Variants in ALG13 observed in about 807,000 individuals in gnomAD.
ALG13 encodes UDP-N-acetylglucosamine transferase subunit ALG13.
In ALG13, 11 loss-of-function variants were observed where a neutral mutation model predicts 87.8. The ratio of observed to expected loss-of-function variants is 0.13; its 90% confidence interval spans 0.08 to 0.21. The LOEUF (loss-of-function observed/expected upper bound fraction) is 0.21, where lower values mean the gene tolerates loss of function less well. Ranked by LOEUF, ALG13 falls within the 10% of genes least tolerant of loss-of-function variation. ALG13 has a pLI of 1.00. For missense variants in ALG13, 756 were observed against 866.1 expected, an observed-to-expected ratio of 0.87 and a Z score of 1.60; for synonymous variants, 320 against 306.3, an observed-to-expected ratio of 1.04 and a Z score of -0.47.
intron 3 of ALG13, among the ~76,000 whole-genome samples, chrX:111,696,308 G>C (rs1936956790): frequency 9.0e-6 from 1 of 111,609 alleles, no homozygotes; most frequent in Non-Finnish European, 1.9e-5. Context: ...CCTAAAGTCT[G>C]TTATCCACTG....
chrX:111,747,440 C>T (rs1944343345), intron 24 of ALG13, among the ~76,000 whole-genome samples: 1 of 112,009 alleles, frequency 8.9e-6, no homozygotes, highest in Non-Finnish European at 1.9e-5. Flanking sequence ...CTTGGTTGCT[C>T]CCACTTTTGG....
rs915629293 is a variant in ALG13 at position 111,708,970 on chromosome X, T to G, written c.756T>G (p.Phe252Leu). 15 of 1,176,936 alleles carry G rather than the reference T, an allele frequency of 1.3e-5. No individual in the cohort carries two copies. In the Admixed American group the frequency reaches 2.1e-4, roughly 16 times the overall value. The change falls in exon 5 of 27, where the codon TTT becomes TTG. Residue 252 changes from phenylalanine (F) to leucine (L), a missense_variant. Physicochemically the swap from Phe to Leu is conservative, Grantham distance 22. Around this residue, in one of 9 missense-constraint regions of ALG13, gnomAD observed 9 missense variants for 31.9 expected, o/e 0.28. Coordinates refer to ENST00000394780, the MANE Select transcript of ALG13 (RefSeq NM_001099922.3). ...GGTCTTTCTCTTCTTTTTAGTTGTT[T>G]TGCAGCCAGGTCCATCATTTGGAAA... ...CLFRAISEQL[F>L]CSQVHHLEIR... is the part of the protein sequence containing the mutation.
chrX:111,751,066 CTTTT>C (rs58149728), intron 24 of ALG13, among the ~76,000 whole-genome samples: 3 of 74,500 alleles, frequency 4.0e-5, no homozygotes, highest in African/African-American at 2.1e-4. Context: ...ATAAGCATAA[CTTTT>C]TTTTTTTTTT....
chrX:111,706,141 TG>T (rs1237043654), intron 3 of ALG13, among the ~76,000 whole-genome samples: 9 of 110,346 alleles, frequency 8.2e-5, no homozygotes, highest in Non-Finnish European at 1.7e-4. Flanking sequence ...GCCATTCTCC[TG>T]CCTCAGCCTC....
chrX:111,742,851 A>C (rs769967996), intron 23 of ALG13, among the ~76,000 whole-genome samples: 1 of 112,420 alleles, frequency 8.9e-6, no homozygotes, highest in Non-Finnish European at 1.9e-5. Flanking sequence ...CAGCATTCTG[A>C]ATGCATTACG....
chrX:111,689,572 C>G, intron 3 of ALG13: 4 of 753,851 alleles, frequency 5.3e-6, no homozygotes, highest in Non-Finnish European at 6.3e-6. Flanking sequence ...CCTCTGACTT[C>G]CCTTTTGTGG....
At chrX:111,727,521 T>A in intron 17 of ALG13, 76 bp downstream of exon 17, 1 of 1,100,968 alleles carries the variant, frequency 9.1e-7, no homozygotes, top group Non-Finnish European at 1.2e-6. Flanking sequence ...TTAAAAAGTG[T>A]CAACTTTGAG....
chrX:111,723,704 T>C (rs1334058775), intron 13 of ALG13, 94 bp from the exon 14 acceptor site: 32 of 514,554 alleles, frequency 6.2e-5, no homozygotes, highest in Non-Finnish European at 2.3e-5. Context: ...CTTTAAAAAG[T>C]AGACACTGAA....
intron 13 of ALG13, among the ~76,000 whole-genome samples, chrX:111,723,408 G>A (rs1169184409): frequency 9.1e-6 from 1 of 110,144 alleles, no homozygotes; most frequent in Admixed American, 9.8e-5. Context: ...AAAGTGCTGG[G>A]ATTACAGGTG....
rs369528554 is a variant in ALG13, at chrX:111,724,964, A to C, written c.1632A>C (p.Pro544=). ...KHVVPLANLK[P]VTQVMSVPAW... ...TTGTTCCACTGGCTAACTTAAAACCAGTTACCCAAGTGATGTCTGTTCCTG... is the reference window on the plus strand; with the variant it reads ...TTGTTCCACTGGCTAACTTAAAACCCGTTACCCAAGTGATGTCTGTTCCTG... Residue 544 remains proline, a synonymous_variant, in exon 15 of 27, where the codon CCA becomes CCC. Coordinates refer to ENST00000394780, the MANE Select transcript of ALG13 (RefSeq NM_001099922.3). 5.0e-6 allele frequency: 6 copies of C among 1,209,230 alleles called. No homozygotes were observed. Among genetic ancestry groups the C allele is most frequent in the Non-Finnish European group, 6.7e-6 (6 of 894,649 alleles).
At chrX:111,711,777 T>C (rs866317750) in intron 6 of ALG13, 52 bp downstream of exon 6, 3 of 1,089,597 alleles carry the variant, frequency 2.8e-6, no homozygotes, top group African/African-American at 1.8e-5. Context: ...GGAATAGTAA[T>C]GTAAATTTAT....
chrX:111,696,982 CTTTTTTTTTT>C (rs55888261), intron 3 of ALG13, among the ~76,000 whole-genome samples: 59 of 74,134 alleles, frequency 8.0e-4, no homozygotes, highest in East Asian at 2.9e-3. Context: ...TGGTTCTTAC[CTTTTTTTTTT>C]TTTTTTTTTT....
chrX:111,749,072 G>A lies in ALG13; in HGVS notation c.2933-3718G>A, dbSNP rs1186568819. On this transcript the variant is annotated intron_variant, in intron 24 of 26. Transcript: ENST00000394780. ...TGCACTCCAGCCTGGGTGACAGAGC[G>A]AAACTCTGACTTAATTTAAAAAAAC... Among the ~76,000 whole-genome samples, 7 of 110,988 alleles carry A rather than the reference G, an allele frequency of 6.3e-5. No homozygotes were observed. The East Asian group carries it at 1.1e-3, about 18-fold the overall frequency.
At chrX:111,759,503 T>C (rs1356356245) in intron 26 of ALG13, among the ~76,000 whole-genome samples, 1 of 112,225 alleles carries the variant, frequency 8.9e-6, no homozygotes, top group Non-Finnish European at 1.9e-5. Flanking sequence ...GAAAGATAGC[T>C]GTCTGTACAT....
chrX:111,750,377 G>A (rs1944612400), intron 24 of ALG13, among the ~76,000 whole-genome samples: 1 of 111,805 alleles, frequency 8.9e-6, no homozygotes, highest in Non-Finnish European at 1.9e-5. Context: ...CAAGGTTCAT[G>A]TTGTTGCATG....
chrX:111,743,895 T>G (rs1943977779), intron 23 of ALG13: 1 of 108,769 alleles, frequency 9.2e-6, no homozygotes, highest in South Asian at 3.9e-4. Flanking sequence ...GTTTGTATCA[T>G]TCATCTTTTG....
At chrX:111,693,069 C>G (rs1936403279) in intron 3 of ALG13, among the ~76,000 whole-genome samples, 1 of 110,887 alleles carries the variant, frequency 9.0e-6, no homozygotes, top group Non-Finnish European at 1.9e-5. Context: ...GCGTGAGCCA[C>G]TGTGCCCAGT....
intron 11 of ALG13, among the ~76,000 whole-genome samples, chrX:111,720,684 T>C (rs1170670958): frequency 4.5e-5 from 5 of 111,686 alleles, no homozygotes; most frequent in Non-Finnish European, 9.4e-5. Flanking sequence ...TTTGGAATAG[T>C]ATTGAATATG....
At chrX:111,695,522 TAAAAAAAA>T (rs750000273) in intron 3 of ALG13, among the ~76,000 whole-genome samples, 6 of 92,587 alleles carry the variant, frequency 6.5e-5, no homozygotes, top group African/African-American at 1.2e-4. Flanking sequence ...AAACTCTGTT[TAAAAAAAA>T]AAAAAAAACA....
Sources: allele counts gnomAD v4.1 joint callset (sites outside exome capture counted in the v4.1 genomes callset), GRCh38; gene constraint gnomAD v4.1.1; regional missense constraint gnomAD v4.1.1; transcripts MANE v1.5; gene names NCBI Gene and HGNC (gene_info 2026-07-23, HGNC 2026-07-21).